The following APBB2 variants were observed in gnomAD, a reference collection of about 807,000 sequenced individuals.
APBB2 encodes the protein Fe65-like 1.
In APBB2, 38 loss-of-function variants were observed where a neutral mutation model predicts 82.5. The ratio of observed to expected loss-of-function variants is 0.46; its 90% CI spans 0.36 to 0.60. The LOEUF (loss-of-function observed/expected upper bound fraction) is 0.60, where lower values mean the gene tolerates loss of function less well. APBB2 is among the 20% of genes least tolerant of loss of function. The pLI is 0.00. For missense variants in APBB2, 772 were observed against 972.3 expected (o/e 0.79, Z 2.74); for synonymous variants, 341 against 368.2 (o/e 0.93, Z 0.85).
At chr4:41,124,666 C>G (rs1306884319) in intron 2 of APBB2, among the ~76,000 whole-genome samples, 1 of 152,202 alleles carries the variant, frequency 6.6e-6, no homozygotes, top group African/African-American at 2.4e-5. Context: ...AAAATACATT[C>G]TACCCCATGA....
chr4:41,206,155 AAAG>A (rs1372087092), intron 1 of APBB2, among the ~76,000 whole-genome samples: 1 of 152,196 alleles, frequency 6.6e-6, no homozygotes, highest in African/African-American at 2.4e-5. Context: ...TTCCCTTACA[AAAG>A]GAGTAGCAAA....
At chr4:40,964,141 AT>A (rs1793996383) in intron 6 of APBB2, among the ~76,000 whole-genome samples, 1 of 152,152 alleles carries the variant, frequency 6.6e-6, no homozygotes, top group Non-Finnish European at 1.5e-5. Flanking sequence ...TAAAAAAAAA[AT>A]AAATTCTGCT....
At chr4:41,098,191 AT>A (rs879654603) in intron 3 of APBB2, among the ~76,000 whole-genome samples, 54 of 146,780 alleles carry the variant, frequency 3.7e-4, no homozygotes, top group Admixed American at 4.1e-4. Flanking sequence ...ATTTTTACTA[AT>A]TTTTTTTTTT....
At chr4:41,076,058 G>C (rs916639441) in intron 3 of APBB2, among the ~76,000 whole-genome samples, 3 of 152,176 alleles carry the variant, frequency 2.0e-5, no homozygotes, top group African/African-American at 7.2e-5. Context: ...GAGAGGCAGA[G>C]ATAAGTTCAT....
intron 10 of APBB2, among the ~76,000 whole-genome samples, chr4:40,903,223 G>A (rs1578308514): frequency 7.3e-6 from 1 of 137,306 alleles, no homozygotes; most frequent in African/African-American, 3.0e-5. Context: ...CACTTTGGGA[G>A]GCCAAGGCCG....
At chr4:40,992,364 G>GA (rs1553899644) in intron 6 of APBB2, among the ~76,000 whole-genome samples, 1 of 145,234 alleles carries the variant, frequency 6.9e-6, no homozygotes, top group Non-Finnish European at 1.5e-5. Flanking sequence ...GTAGAGATGG[G>GA]GGGGGGTCTT....
chr4:41,007,677 A>G (rs1237691159), intron 6 of APBB2, among the ~76,000 whole-genome samples: 1 of 152,246 alleles, frequency 6.6e-6, no homozygotes, highest in Non-Finnish European at 1.5e-5. Flanking sequence ...AATTGTTATT[A>G]CTTTTTCTAT....
At chr4:40,970,072 C>T (rs1344732956) in intron 6 of APBB2, among the ~76,000 whole-genome samples, 4 of 152,200 alleles carry the variant, frequency 2.6e-5, no homozygotes, top group Non-Finnish European at 1.5e-5. Context: ...TGCCCTCATC[C>T]TCATCCCTTC....
intron 2 of APBB2, among the ~76,000 whole-genome samples, chr4:41,142,341 T>C (rs1275301974): frequency 6.6e-6 from 1 of 152,208 alleles, no homozygotes; most frequent in Admixed American, 6.5e-5. Flanking sequence ...TGGCCCACAG[T>C]GAGAGCATTT....
chr4:41,198,263 G>A, intron 1 of APBB2, among the ~76,000 whole-genome samples: 3 of 152,154 alleles, frequency 2.0e-5, no homozygotes, highest in Non-Finnish European at 4.4e-5. Context: ...TCATGTTAAT[G>A]GAGGAATAAG....
intron 5 of APBB2, among the ~76,000 whole-genome samples, chr4:41,016,657 A>G (rs1810039671): frequency 6.6e-6 from 1 of 151,818 alleles, no homozygotes; most frequent in South Asian, 2.1e-4. Flanking sequence ...GTCTCAAAAA[A>G]CAAAAAAGAA....
chr4:40,924,041 G>A (rs1781997041), intron 10 of APBB2, among the ~76,000 whole-genome samples: 1 of 152,248 alleles, frequency 6.6e-6, no homozygotes, highest in Non-Finnish European at 1.5e-5. Flanking sequence ...AAAGCAGGAT[G>A]GACAAGGGTC....
intron 15 of APBB2, 48 bp from the exon 16 acceptor site, chr4:40,823,807 C>A: frequency 7.8e-7 from 1 of 1,283,722 alleles, no homozygotes. Context: ...CCACTTACCA[C>A]ACTCAAATGT....
intron 6 of APBB2, among the ~76,000 whole-genome samples, chr4:40,956,471 G>A (rs560424511): frequency 5.6e-4 from 86 of 152,334 alleles, no homozygotes; most frequent in African/African-American, 1.8e-3. Flanking sequence ...AAGCCTGCCT[G>A]AAGAGTTTCA....
chr4:41,209,400 C>T lies in APBB2; in HGVS notation c.-417+5005G>A, dbSNP rs1212263056. Among the ~76,000 whole-genome samples, 11 of 152,334 alleles carry T rather than the reference C, an allele frequency of 7.2e-5. No homozygotes were observed. In the East Asian group the frequency reaches 2.1e-3, roughly 29 times the overall value. On this transcript the variant is annotated intron_variant, in intron 1 of 17. Coordinates refer to ENST00000508593, the MANE Select transcript of APBB2 (RefSeq NM_004307.2). ...CACTGAGTAGACACATTTCACCAGC[C>T]ACCACTCCTGCTACTGCAGCAGCCA...
At chr4:40,961,008 A>C (rs1793041308) in intron 6 of APBB2, among the ~76,000 whole-genome samples, 1 of 151,804 alleles carries the variant, frequency 6.6e-6, no homozygotes, top group Non-Finnish European at 1.5e-5. Context: ...TTCTGCCTGC[A>C]ACAGAGATGC....
intron 1 of APBB2, among the ~76,000 whole-genome samples, chr4:41,205,412 T>C (rs1010644754): frequency 1.2e-4 from 19 of 152,056 alleles, no homozygotes; most frequent in African/African-American, 4.4e-4. Context: ...ATTCCCAAAA[T>C]AGACAGAGCT....
At chr4:40,938,758 G>A (rs985451232) in intron 7 of APBB2, among the ~76,000 whole-genome samples, 1 of 152,182 alleles carries the variant, frequency 6.6e-6, no homozygotes, top group South Asian at 2.1e-4. Context: ...TTCCACAGTG[G>A]CAGTGACAGA....
intron 7 of APBB2, among the ~76,000 whole-genome samples, chr4:40,940,264 A>C (rs1786497853): frequency 6.6e-6 from 1 of 152,116 alleles, no homozygotes; most frequent in Non-Finnish European, 1.5e-5. Context: ...ATTTTTGAGG[A>C]AGGGACATGC....
Sources: gnomAD v4.1 joint callset for allele counts (sites outside exome capture counted in the v4.1 genomes callset) on GRCh38, gnomAD v4.1.1 for gene constraint, MANE v1.5 for transcripts, NCBI Gene and HGNC (gene_info 2026-07-23, HGNC 2026-07-21) for gene names.